The following ENOPH1 variants were observed in gnomAD, a reference collection of about 807,000 sequenced individuals.
ENOPH1 encodes the protein enolase-phosphatase E1.
Under a neutral mutation model 31.1 loss-of-function variants are expected in ENOPH1, and 14 were observed. The ratio of observed to expected loss-of-function variants is 0.45; its 90% CI spans 0.30 to 0.70. ENOPH1 has a LOEUF of 0.70. ENOPH1 is among the 30% of genes least tolerant of loss of function. The pLI, the probability that ENOPH1 is intolerant of heterozygous loss-of-function variation, is 0.09. For missense variants in ENOPH1, 243 were observed against 321.5 expected, an observed-to-expected ratio of 0.76 and a Z score of 1.87; for synonymous variants, 127 against 123.2, an observed-to-expected ratio of 1.03 and a Z score of -0.21.
At position 82,449,293 on chromosome 4, in the gene ENOPH1, C is replaced by T. The variant is rs116833040; in HGVS notation, c.186+1272C>T. Among the ~76,000 whole-genome samples, 475 of 152,274 alleles carry T rather than the reference C, an allele frequency of 3.1e-3. 3 individuals are homozygous for T. The highest frequency in any genetic ancestry group is 0.011 in the African/African-American group (457 of 41,540). ...TGCAAAAGGTTTTGAGCAGTCTCTA[C>T]ATTTTTTATTAACGTCTCTATATTA... On this transcript the variant is annotated intron_variant, in intron 2 of 5. Coordinates refer to ENST00000273920, the MANE Select transcript of ENOPH1 (RefSeq NM_021204.5).
In ENOPH1 at chr4:82,456,918, G is replaced by C; in HGVS notation, c.526G>C (p.Val176Leu). ...CTTTCCCCTTCTCTTTGTTCAGCTT[G>C]TTGATGGTCACTTTGATACCAAGAT... ...HSTEGDILEL[V>L]DGHFDTKIGH... The change falls in exon 5 of 6, where the codon GTT (valine) becomes CTT (leucine). Residue 176 changes from valine (V) to leucine (L), a missense_variant. Coordinates refer to ENST00000273920, the MANE Select transcript of ENOPH1 (RefSeq NM_021204.5). 6.2e-7 allele frequency: 1 copy of C among 1,613,894 alleles called. No individual in the cohort carries two copies. The highest frequency in any genetic ancestry group is 8.5e-7 in the Non-Finnish European group (1 of 1,179,894).
At chr4:82,456,589 G>A (rs948466310) in intron 4 of ENOPH1, among the ~76,000 whole-genome samples, 1 of 152,204 alleles carries the variant, frequency 6.6e-6, no homozygotes, top group Admixed American at 6.5e-5. Context: ...CCAGTGAGTA[G>A]TTTGAGTGCA....
At chr4:82,456,017 C>A (rs922636320) in intron 4 of ENOPH1, among the ~76,000 whole-genome samples, 1 of 151,540 alleles carries the variant, frequency 6.6e-6, no homozygotes, top group African/African-American at 2.4e-5. Context: ...ATAATGAAAC[C>A]CTTTAATCAT....
chr4:82,451,878 G>C (rs905689588), intron 3 of ENOPH1, among the ~76,000 whole-genome samples: 2 of 151,834 alleles, frequency 1.3e-5, no homozygotes, highest in South Asian at 4.2e-4. Context: ...ACCTCCCCTA[G>C]TTCAGGTGAT....
rs531050848 is a variant in ENOPH1, at chr4:82,445,678, A to G, written c.85-2242A>G. 9.5e-4 allele frequency among the ~76,000 whole-genome samples: 145 copies of G among 152,262 alleles called. 1 individual carries two copies. In the South Asian group the frequency reaches 0.03, roughly 31 times the overall value. On this transcript the variant is annotated intron_variant, in intron 1 of 5. Transcript: ENST00000273920. ...GGCTGGTCTTGAACTCCTGGGTTCA[A>G]GTGATCTTACTGCCTTGGCCTCCCA...
At chr4:82,457,498 A>G (rs1168948257) in intron 5 of ENOPH1, among the ~76,000 whole-genome samples, 5 of 152,204 alleles carry the variant, frequency 3.3e-5, no homozygotes, top group African/African-American at 1.2e-4. Flanking sequence ...TGGGTGACAG[A>G]GCAAGACTGT....
At chr4:82,449,396 T>C (rs528471609) in intron 2 of ENOPH1, among the ~76,000 whole-genome samples, 1 of 152,248 alleles carries the variant, frequency 6.6e-6, no homozygotes, top group Non-Finnish European at 1.5e-5. Context: ...GGCTCACAGG[T>C]CTACAGGCTA....
Position 82,430,673 on chromosome 4 carries a change from C to G in ENOPH1, c.-157C>G. ...TCCAGTTCCAGGTGTGCAGAAGTGTCCTCTCCCCACGCGCGGCGGGCTGCA... is the reference window on the plus strand; with the variant it reads ...TCCAGTTCCAGGTGTGCAGAAGTGTGCTCTCCCCACGCGCGGCGGGCTGCA... On this transcript the variant is annotated 5_prime_UTR_variant, in exon 1 of 6. Transcript: ENST00000273920. 1.6e-6 allele frequency: 1 copy of G among 634,924 alleles called. No homozygotes were observed. The highest frequency in any genetic ancestry group is 2.8e-6 in the Non-Finnish European group (1 of 362,962). 39.3% of individuals were successfully genotyped at this position (634,924 alleles called of 1,614,324 possible). A position where few individuals can be genotyped will look rare whatever the true frequency, so the allele number is the denominator to read the frequency against.
At chr4:82,432,339 C>T (rs762661739) in intron 1 of ENOPH1, among the ~76,000 whole-genome samples, 3 of 152,008 alleles carry the variant, frequency 2.0e-5, no homozygotes, top group Admixed American at 6.6e-5. Context: ...TTAGCATTTT[C>T]TCCACGGTTT....
rs1439727068 is a variant in ENOPH1 at position 82,451,065 on chromosome 4, A to T, written c.209A>T (p.Asp70Val). The T allele has an allele frequency of 6.2e-7, 1 of 1,614,128 alleles. No homozygotes were observed. ...RKQAEEDAHL[D>V]GAVPIPAASG... The stretch of plus-strand genomic sequence containing the variant: ...AAGGCTGAAGAGGACGCCCACCTGG[A>T]TGGGGCTGTTCCTATCCCTGCAGCA... The change falls in exon 3 of 6, where the codon GAT becomes GTT. Residue 70 changes from aspartate to valine, a missense_variant. Transcript: ENST00000273920.
At chr4:82,453,695 T>A (rs17005669) in intron 3 of ENOPH1, among the ~76,000 whole-genome samples, 8,679 of 152,270 alleles carry the variant, frequency 0.057, 345 homozygotes, top group African/African-American at 0.1. Flanking sequence ...TGACTGGTTC[T>A]ACAACCCAAG....
At chr4:82,452,456 T>G (rs1722374566) in intron 3 of ENOPH1, among the ~76,000 whole-genome samples, 1 of 151,980 alleles carries the variant, frequency 6.6e-6, no homozygotes, top group Admixed American at 6.6e-5. Context: ...GCCACTATGC[T>G]AATTTTTGTA....
chr4:82,437,519 A>G (rs952546668), intron 1 of ENOPH1, among the ~76,000 whole-genome samples: 2 of 152,092 alleles, frequency 1.3e-5, no homozygotes, highest in South Asian at 2.1e-4. Flanking sequence ...TTCGTCTCCA[A>G]GTGTGGGTCC....
At chr4:82,442,756 C>T (rs1003970168) in intron 1 of ENOPH1, among the ~76,000 whole-genome samples, 2 of 152,178 alleles carry the variant, frequency 1.3e-5, no homozygotes, top group African/African-American at 4.8e-5. Flanking sequence ...GCTGTACATA[C>T]TGTTTGTAAC....
intron 1 of ENOPH1, among the ~76,000 whole-genome samples, chr4:82,444,087 C>T (rs1722116847): frequency 6.6e-6 from 1 of 152,194 alleles, no homozygotes; most frequent in East Asian, 1.9e-4. Flanking sequence ...GTTGGCCAGG[C>T]TGGTCTCGAA....
chr4:82,449,296 T>C (rs958958386), intron 2 of ENOPH1, among the ~76,000 whole-genome samples: 6 of 152,214 alleles, frequency 3.9e-5, no homozygotes, highest in Non-Finnish European at 7.3e-5. Context: ...GTCTCTACAT[T>C]TTTTATTAAC....
At chr4:82,440,883 C>T (rs1344570873) in intron 1 of ENOPH1, among the ~76,000 whole-genome samples, 2 of 152,162 alleles carry the variant, frequency 1.3e-5, no homozygotes, top group Non-Finnish European at 2.9e-5. Flanking sequence ...CAACCTACAC[C>T]CCTTGTATGG....
rs922145297 is a variant in ENOPH1, at chr4:82,457,542, A to G, written c.646+504A>G. Among the ~76,000 whole-genome samples, 2 of 152,164 alleles carry G rather than the reference A, an allele frequency of 1.3e-5. 1 individual carries two copies. Among genetic ancestry groups the G allele is most frequent in the South Asian group, 4.1e-4 (2 of 4,832 alleles). ...AGAATGAACCAACTCTGGGGGTTGCATGTGGGGAAGTGGCATTGAAAAGAC... is the reference window on the plus strand; with the variant it reads ...AGAATGAACCAACTCTGGGGGTTGCGTGTGGGGAAGTGGCATTGAAAAGAC... On this transcript the variant is annotated intron_variant, in intron 5 of 5. Coordinates refer to ENST00000273920, the MANE Select transcript of ENOPH1 (RefSeq NM_021204.5).
intron 1 of ENOPH1, among the ~76,000 whole-genome samples, chr4:82,436,900 G>A (rs1280511531): frequency 7.2e-5 from 11 of 151,736 alleles, no homozygotes; most frequent in Admixed American, 2.6e-4. Flanking sequence ...TGTCATCGTC[G>A]TCATCATCAT....
Sources: gnomAD v4.1 joint callset for allele counts (sites outside exome capture counted in the v4.1 genomes callset) on GRCh38, gnomAD v4.1.1 for gene constraint, MANE v1.5 for transcripts, NCBI Gene and HGNC (gene_info 2026-07-23, HGNC 2026-07-21) for gene names.